Variants in TRAPPC10 observed in about 807,000 individuals in gnomAD.
TRAPPC10 encodes trafficking protein particle complex subunit 10, also known as TRAPP 130 kDa subunit.
TRAPPC10 carries 23 observed loss-of-function variants against 125.5 expected under a neutral mutation model. The ratio of observed to expected loss-of-function variants is 0.18; its 90% CI spans 0.13 to 0.26. The LOEUF is 0.26. TRAPPC10 is among the 10% of genes least tolerant of loss of function. TRAPPC10 has a pLI of 1.00. For missense variants in TRAPPC10, 1,123 were observed against 1,308.4 expected (o/e 0.86, Z 2.19); for synonymous variants, 509 against 518.0 (o/e 0.98, Z 0.24).
At chr21:44,057,829 C>G (rs1213866220) in intron 5 of TRAPPC10, among the ~76,000 whole-genome samples, 1 of 152,054 alleles carries the variant, frequency 6.6e-6, no homozygotes, top group Non-Finnish European at 1.5e-5. Context: ...CTGGGTGGGC[C>G]CTTAGGGGTC....
intron 1 of TRAPPC10, among the ~76,000 whole-genome samples, chr21:44,027,248 A>G (rs570513009): frequency 6.6e-6 from 1 of 152,256 alleles, no homozygotes; most frequent in South Asian, 2.1e-4. Flanking sequence ...CATGTCAGGT[A>G]TTTAGGAAAG....
intron 3 of TRAPPC10, among the ~76,000 whole-genome samples, chr21:44,047,529 A>AGTGTGTGTGTGTGTGT (rs775813570): frequency 5.1e-4 from 53 of 104,466 alleles, no homozygotes; most frequent in South Asian, 2.9e-3. Context: ...TCTCTGGGGG[A>AGTGTGTGTGTGTGTGT]GTATGTGTGT....
intron 1 of TRAPPC10, among the ~76,000 whole-genome samples, chr21:44,025,741 A>G (rs955630034): frequency 6.6e-6 from 1 of 151,720 alleles, no homozygotes; most frequent in Admixed American, 6.6e-5. Context: ...ACACTAATGT[A>G]TGGGTTTTCT....
At chr21:44,083,557 T>C (rs1355831349) in intron 14 of TRAPPC10, among the ~76,000 whole-genome samples, 2 of 152,220 alleles carry the variant, frequency 1.3e-5, no homozygotes, top group Non-Finnish European at 2.9e-5. Context: ...TTTTAACTCA[T>C]TGGATTATTG....
intron 17 of TRAPPC10, chr21:44,089,575 G>A (rs1424166308): frequency 3.8e-6 from 2 of 527,602 alleles, no homozygotes; most frequent in Admixed American, 2.2e-5. Context: ...CTCTTCCGCC[G>A]TTGAGGTGAC....
At chr21:44,089,753 G>C in intron 17 of TRAPPC10, 80 bp from the exon 18 acceptor site, 2 of 1,074,020 alleles carry the variant, frequency 1.9e-6, no homozygotes, top group Non-Finnish European at 2.9e-6. Flanking sequence ...GGGCACTGCA[G>C]GTGAGTCTGG....
At chr21:44,046,493 G>T in intron 3 of TRAPPC10, 1 of 233,586 alleles carries the variant, frequency 4.3e-6, no homozygotes. Flanking sequence ...GGGGTGACAC[G>T]CTTTACCTTT....
intron 3 of TRAPPC10, among the ~76,000 whole-genome samples, chr21:44,051,740 C>T (rs1300781280): frequency 3.3e-5 from 5 of 152,224 alleles, no homozygotes; most frequent in African/African-American, 4.8e-5. Context: ...ACACGGCCTT[C>T]GCAGACTTGC....
chr21:44,042,872 G>A (rs941651732), intron 3 of TRAPPC10, among the ~76,000 whole-genome samples: 8 of 152,168 alleles, frequency 5.3e-5, no homozygotes, highest in African/African-American at 1.9e-4. Context: ...TGGCTTCTGG[G>A]CAGTGTATCT....
chr21:44,034,155 G>T lies in TRAPPC10; in HGVS notation c.149+1983G>T, dbSNP rs376597045. Among the ~76,000 whole-genome samples the T allele has an allele frequency of 6.6e-5, 10 of 152,178 alleles. No individual in the cohort carries two copies. The East Asian group carries it at 1.7e-3, about 26-fold the overall frequency. ...GAGGAAGTTCAATCCCTTGTGTCTTGTGGCTCCATAAGAGGAGGGGAATTT... is the reference window on the plus strand; with the variant it reads ...GAGGAAGTTCAATCCCTTGTGTCTTTTGGCTCCATAAGAGGAGGGGAATTT... On this transcript the variant is annotated intron_variant, in intron 2 of 22. Transcript: ENST00000291574.
intron 6 of TRAPPC10, among the ~76,000 whole-genome samples, chr21:44,061,250 C>T (rs2036030589): frequency 6.6e-6 from 1 of 152,236 alleles, no homozygotes; most frequent in Admixed American, 6.5e-5. Flanking sequence ...CATTCTCCTG[C>T]CTCAGCCTCC....
chr21:44,055,092 G>A (rs921608651), intron 4 of TRAPPC10, among the ~76,000 whole-genome samples: 2 of 152,138 alleles, frequency 1.3e-5, no homozygotes, highest in African/African-American at 2.4e-5. Context: ...TGAGTGAGGC[G>A]TGATCACATT....
rs768645196 is a variant in TRAPPC10, at chr21:44,063,530, T to G, written c.791-8T>G. 1.2e-6 allele frequency: 2 copies of G among 1,613,624 alleles called. No homozygotes were observed. Among genetic ancestry groups the G allele is most frequent in the Admixed American group, 1.7e-5 (1 of 59,996 alleles). ...AATCAGCACCTTTCATGATGTGTGT[T>G]TGTTTAGATGGTGCCAACTGGCTGA... On this transcript the variant is annotated splice_region_variant and splice_polypyrimidine_tract_variant and intron_variant, in intron 6 of 22. Coordinates refer to ENST00000291574, the MANE Select transcript of TRAPPC10 (RefSeq NM_003274.5). The surrounding 1 kb of genome is among the most constrained non-coding windows in gnomAD (Gnocchi z 4.4).
chr21:44,046,818 C>A, intron 3 of TRAPPC10: 1 of 611,072 alleles, frequency 1.6e-6, no homozygotes. Flanking sequence ...ACCTTTAAGT[C>A]TTTTGATGCA....
intron 1 of TRAPPC10, among the ~76,000 whole-genome samples, chr21:44,017,883 C>T (rs575979097): frequency 3.9e-5 from 6 of 152,204 alleles, no homozygotes; most frequent in South Asian, 4.1e-4. Flanking sequence ...GTTCCTACAC[C>T]ACAAGCATTG....
chr21:44,056,132 A>G (rs1019377764), intron 5 of TRAPPC10, among the ~76,000 whole-genome samples: 6 of 152,208 alleles, frequency 3.9e-5, no homozygotes, highest in Non-Finnish European at 4.4e-5. Flanking sequence ...AAGCTGGAGC[A>G]GTTTCAGTGA....
intron 15 of TRAPPC10, 135 bp from the exon 16 acceptor site, chr21:44,086,667 A>G (rs568833889): frequency 9.6e-6 from 9 of 939,304 alleles, no homozygotes; most frequent in African/African-American, 3.3e-5. Context: ...ATGGAAGTAG[A>G]AGGAATTCAT....
At chr21:44,081,854 G>A (rs2037769692) in intron 13 of TRAPPC10, among the ~76,000 whole-genome samples, 1 of 152,140 alleles carries the variant, frequency 6.6e-6, no homozygotes, top group African/African-American at 2.4e-5. Flanking sequence ...ACTATAGCCT[G>A]GGCGACAGAG....
At chr21:44,035,699 C>A (rs1346348333) in intron 2 of TRAPPC10, among the ~76,000 whole-genome samples, 3 of 152,130 alleles carry the variant, frequency 2.0e-5, no homozygotes, top group East Asian at 1.9e-4. Flanking sequence ...ATTGCTTGAA[C>A]CTGGGAGGAG....
Sources: allele counts gnomAD v4.1 joint callset (sites outside exome capture counted in the v4.1 genomes callset), GRCh38; gene constraint gnomAD v4.1.1; non-coding constraint Gnocchi (gnomAD v3.1); transcripts MANE v1.5; gene names NCBI Gene and HGNC (gene_info 2026-07-23, HGNC 2026-07-21).